CIMIP2B: variants seen among roughly 807,000 people sequenced by gnomAD.
CIMIP2B encodes the protein family with sequence similarity 166 member B.
the CIMIP2B span, chr9:35,562,339 AACAT>A: frequency 3.1e-5 from 42 of 1,345,812 alleles, no homozygotes; most frequent in Non-Finnish European, 4.1e-5. Flanking sequence ...CATACAAACA[AACAT>A]TCCAGTCCCC....
At chr9:35,562,112 G>C in the CIMIP2B span, 17 of 1,509,726 alleles carry the variant, frequency 1.1e-5, no homozygotes, top group Non-Finnish European at 1.5e-5. Flanking sequence ...GGCCAAGAGA[G>C]TCTGTCACAT....
chr9:35,563,463 G>C, the CIMIP2B span: 1 of 1,184,904 alleles, frequency 8.4e-7, no homozygotes, highest in South Asian at 1.3e-5. Flanking sequence ...GGAGACCTCT[G>C]AAGCCCTGAT....
At chr9:35,562,213 G>A in the CIMIP2B span, 2 of 1,005,636 alleles carry the variant, frequency 2.0e-6, no homozygotes, top group East Asian at 2.6e-5. Flanking sequence ...ATTCCCCACT[G>A]TGGGTAGCTA....
the CIMIP2B span, chr9:35,562,313 C>T: frequency 1.5e-6 from 2 of 1,325,840 alleles, no homozygotes; most frequent in African/African-American, 3.2e-5. Context: ...ACAAACCACC[C>T]AACCCACCCC....
At chr9:35,563,035 T>C in the CIMIP2B span, 24 of 1,613,904 alleles carry the variant, frequency 1.5e-5, no homozygotes, top group Non-Finnish European at 1.9e-5. Context: ...GGCCCAGACC[T>C]GGCTGCAGTT....
the CIMIP2B span, chr9:35,563,462 T>C: frequency 1.7e-6 from 2 of 1,180,470 alleles, no homozygotes; most frequent in Non-Finnish European, 2.5e-6. Flanking sequence ...CGGAGACCTC[T>C]GAAGCCCTGA....
chr9:35,563,512 T>C, the CIMIP2B span: 79 of 825,184 alleles, frequency 9.6e-5, no homozygotes, highest in Non-Finnish European at 1.4e-4. Flanking sequence ...GGAGCAGGCA[T>C]TTCTAAGTTC....
At chr9:35,561,840 G>GTATT in the CIMIP2B span, 296 of 622,444 alleles carry the variant, frequency 4.8e-4, 1 homozygote, top group East Asian at 7.0e-3. Flanking sequence ...GTCTGTTTAT[G>GTATT]TATTTATTTA....
the CIMIP2B span, chr9:35,562,093 AC>A: frequency 3.3e-6 from 5 of 1,531,216 alleles, no homozygotes; most frequent in South Asian, 6.0e-5. Context: ...TGGAACTTAT[AC>A]CCTGTGTGGC....
At chr9:35,562,480 G>C in the CIMIP2B span, 7 of 1,584,130 alleles carry the variant, frequency 4.4e-6, no homozygotes, top group Non-Finnish European at 6.0e-6. Context: ...TGCCTGGTGA[G>C]TGCTTCTGCC....
At chr9:35,563,543 T>A in the CIMIP2B span, among the ~76,000 whole-genome samples, 1 of 152,226 alleles carries the variant, frequency 6.6e-6, no homozygotes, top group Admixed American at 6.5e-5. Context: ...CTTTCGATCC[T>A]TCCTCTGCTG....
At chr9:35,561,923 TCCCACC>T in the CIMIP2B span, 2 of 125,536 alleles carry the variant, frequency 1.6e-5, no homozygotes, top group Admixed American at 2.2e-4. Flanking sequence ...TCCCCCACCC[TCCCACC>T]CTCCCACCCA....
At chr9:35,562,273 G>C in the CIMIP2B span, 1 of 1,086,588 alleles carries the variant, frequency 9.2e-7, no homozygotes, top group Non-Finnish European at 1.3e-6. Context: ...CATGATCTGA[G>C]CCCTCCCATA....
the CIMIP2B span, chr9:35,563,427 G>A: frequency 6.7e-7 from 1 of 1,499,544 alleles, no homozygotes; most frequent in South Asian, 1.2e-5. Flanking sequence ...GAATCGCCCT[G>A]CCCCGCCATC....
At chr9:35,562,636 C>G in the CIMIP2B span, 1 of 1,613,010 alleles carries the variant, frequency 6.2e-7, no homozygotes, top group African/African-American at 1.3e-5. Context: ...GATCCTGACC[C>G]CCCAGCTCTC....
the CIMIP2B span, chr9:35,562,513 G>A: frequency 1.9e-6 from 3 of 1,575,826 alleles, no homozygotes; most frequent in South Asian, 1.2e-5. Context: ...GTGCCTGGTT[G>A]GTGAGCACAG....
At chr9:35,563,210 C>A in the CIMIP2B span, 1 of 1,613,890 alleles carries the variant, frequency 6.2e-7, no homozygotes, top group African/African-American at 1.3e-5. Context: ...TTCTTGCCCA[C>A]GCCTGACAGG....
the CIMIP2B span, chr9:35,563,838 G>A: frequency 6.2e-7 from 1 of 1,613,728 alleles, no homozygotes; most frequent in African/African-American, 1.3e-5. Flanking sequence ...TGGGGAGCCG[G>A]GCATTTCCTT....
the CIMIP2B span, chr9:35,561,913 T>G: frequency 2.7e-6 from 1 of 376,166 alleles, no homozygotes; most frequent in South Asian, 1.9e-5. Context: ...CTCTTTGTGT[T>G]CCCCCACCCT....
Sources: gnomAD v4.1 joint callset for allele counts (sites outside exome capture counted in the v4.1 genomes callset) on GRCh38, gnomAD v4.1.1 for gene constraint, MANE v1.5 for transcripts, NCBI Gene and HGNC (gene_info 2026-07-23, HGNC 2026-07-21) for gene names.